GCFC2: variants seen among roughly 807,000 people sequenced by gnomAD.
GCFC2 encodes the protein GC-rich sequence DNA-binding factor 2, also known as intron Large complex component GCFC2.
A neutral mutation model predicts 99.4 loss-of-function variants in GCFC2; 102 were observed. The ratio of observed to expected loss-of-function variants is 1.03; its 90% CI spans 0.87 to 1.21. GCFC2 has a LOEUF of 1.21. GCFC2 is among the 50% of genes most tolerant of loss of function. GCFC2 has a pLI of 0.00. For missense variants in GCFC2, 973 were observed against 920.9 expected, an observed-to-expected ratio of 1.06 and a Z score of -0.73; for synonymous variants, 338 against 316.8, an observed-to-expected ratio of 1.07 and a Z score of -0.71.
intron 4 of GCFC2, among the ~76,000 whole-genome samples, chr2:75,700,286 T>G (rs1320557448): frequency 6.6e-6 from 1 of 152,152 alleles, no homozygotes; most frequent in Admixed American, 6.5e-5. Context: ...AACTATTATT[T>G]GTGTATGCAG....
Position 75,710,506 on chromosome 2 carries a change from A to AC in GCFC2, c.265+84dup, listed in dbSNP as rs1254018468. 4.3e-6 allele frequency: 6 copies of AC among 1,400,844 alleles called. No individual in the cohort carries two copies. The East Asian group carries it at 1.8e-4, about 41-fold the overall frequency. 86.8% of individuals were successfully genotyped at this position (1,400,844 alleles called of 1,614,324 possible). On this transcript the variant is annotated intron_variant, in intron 1 of 16. Coordinates refer to ENST00000321027, the MANE Select transcript of GCFC2 (RefSeq NM_003203.5). The stretch of plus-strand genomic sequence containing the variant: ...CTTGTGGTCGGCAGCAAGTTATAGA[A>AC]CCCCCAGAGAAGGATCCAGAGACCC...
chr2:75,665,165 T>A (rs1403115857), intron 16 of GCFC2, among the ~76,000 whole-genome samples: 1 of 151,604 alleles, frequency 6.6e-6, no homozygotes, highest in Non-Finnish European at 1.5e-5. Flanking sequence ...TTTTTTTTTT[T>A]AAAGGGACTT....
At chr2:75,706,303 T>G (rs926338492) in intron 2 of GCFC2, among the ~76,000 whole-genome samples, 1 of 152,208 alleles carries the variant, frequency 6.6e-6, no homozygotes, top group African/African-American at 2.4e-5. Context: ...GAATACAGGC[T>G]CCAGAACAAA....
At chr2:75,671,293 A>G (rs921221053) in intron 14 of GCFC2, among the ~76,000 whole-genome samples, 4 of 152,146 alleles carry the variant, frequency 2.6e-5, no homozygotes, top group African/African-American at 9.6e-5. Context: ...GCAGCTTGCC[A>G]TTCATGACCA....
chr2:75,688,354 G>A (rs1679911729), intron 10 of GCFC2, among the ~76,000 whole-genome samples: 2 of 152,162 alleles, frequency 1.3e-5, no homozygotes, highest in South Asian at 4.1e-4. Flanking sequence ...TCCACTTCAA[G>A]CAAAGTTTAT....
At chr2:75,683,182 G>A (rs1679652946) in intron 11 of GCFC2, among the ~76,000 whole-genome samples, 1 of 151,696 alleles carries the variant, frequency 6.6e-6, no homozygotes, top group South Asian at 2.1e-4. Flanking sequence ...AAAAGTTAAG[G>A]GCAGCCAGAA....
At chr2:75,709,174 T>C (rs1681002429) in intron 1 of GCFC2, among the ~76,000 whole-genome samples, 1 of 152,188 alleles carries the variant, frequency 6.6e-6, no homozygotes, top group Non-Finnish European at 1.5e-5. Flanking sequence ...GTGTGATAAA[T>C]ATTGATAGGT....
chr2:75,681,695 C>G (rs1008372471), intron 11 of GCFC2, among the ~76,000 whole-genome samples: 1 of 151,916 alleles, frequency 6.6e-6, no homozygotes, highest in Non-Finnish European at 1.5e-5. Flanking sequence ...GATCCACTGA[C>G]TTGAAATTCT....
At chr2:75,692,353 T>C (rs17741590) in intron 6 of GCFC2, among the ~76,000 whole-genome samples, 1,318 of 127,902 alleles carry the variant, frequency 0.01, 11 homozygotes, top group South Asian at 0.032. Flanking sequence ...TTATCAGAGA[T>C]AGATAAACTA....
In GCFC2 at chr2:75,696,262, A is replaced by G. The variant is rs1343262587; in HGVS notation, c.771T>C (p.Phe257=). 6.6e-6 allele frequency: 10 copies of G among 1,520,920 alleles called. No individual in the cohort carries two copies. The highest frequency in any genetic ancestry group is 8.2e-6 in the Non-Finnish European group (9 of 1,096,414). 94.2% of individuals were successfully genotyped at this position (1,520,920 alleles called of 1,614,324 possible). ...CGNGSSKVKK[F]DTSISFPPVN... ...CTGGCGGAAATGAAATGGAAGTATC[A>G]AATTTCTTCACTTTTGAAGATCCAT... is the stretch of plus-strand genomic sequence containing the variant. The change falls in exon 5 of 17, where the codon TTT becomes TTC. Residue 257 remains phenylalanine (F), a synonymous_variant. Transcript: ENST00000321027.
chr2:75,689,701 AGAAAT>A (rs1679974525), intron 9 of GCFC2, among the ~76,000 whole-genome samples: 4 of 152,208 alleles, frequency 2.6e-5, no homozygotes, highest in South Asian at 4.1e-4. Context: ...TGTGTGGTAA[AGAAAT>A]GAAATGAAGA....
chr2:75,680,208 A>G lies in GCFC2; in HGVS notation c.1797T>C (p.Val599=), dbSNP rs778703905. 4 of 1,604,452 alleles carry G rather than the reference A, an allele frequency of 2.5e-6. No individual in the cohort carries two copies. In the Admixed American group the frequency reaches 5.0e-5, roughly 20 times the overall value. ...LEEHSTCENE[V]SKSRQDLLKS... is the part of the protein sequence containing the mutation. ...AAATTATTACCTGTCTGCTTTTACTAACTTCATTTTCACAAGTGGAATGTT... is the reference window on the plus strand; with the variant it reads ...AAATTATTACCTGTCTGCTTTTACTGACTTCATTTTCACAAGTGGAATGTT... The change falls in exon 12 of 17, where the codon GTT becomes GTC. Residue 599 remains valine (V), a synonymous_variant. Coordinates refer to ENST00000321027, the MANE Select transcript of GCFC2 (RefSeq NM_003203.5).
intron 9 of GCFC2, among the ~76,000 whole-genome samples, 178 bp from the exon 10 acceptor site, chr2:75,689,403 T>C (rs1449650918): frequency 6.6e-6 from 1 of 152,116 alleles, no homozygotes; most frequent in African/African-American, 2.4e-5. Context: ...CTAATAGAAG[T>C]TACCATATAT....
At position 75,680,047 on chromosome 2, in the gene GCFC2, T is replaced by C. The variant is rs368876921; in HGVS notation, c.1812+146A>G. 25 of 602,406 alleles carry C rather than the reference T, an allele frequency of 4.2e-5. 1 individual carries two copies. Among genetic ancestry groups the C allele is most frequent in the African/African-American group, 3.9e-4 (21 of 53,338 alleles). The allele number at this position is 602,406 out of a possible 1,614,324, so 37.3% of individuals were successfully genotyped here. A position where few individuals can be genotyped will look rare whatever the true frequency, so the allele number is the denominator to read the frequency against. On this transcript the variant is annotated intron_variant, in intron 12 of 16. Transcript: ENST00000321027. Reference sequence around the variant, plus strand: ...TCTCAGTGCAGTCTGAGAAAAAGTCTAGTTTCTATAAATCAAAAGTAAATA... The same window carrying C: ...TCTCAGTGCAGTCTGAGAAAAAGTCCAGTTTCTATAAATCAAAAGTAAATA...
At chr2:75,693,192 A>G (rs750851937) in intron 6 of GCFC2, among the ~76,000 whole-genome samples, 2 of 152,168 alleles carry the variant, frequency 1.3e-5, no homozygotes, top group African/African-American at 2.4e-5. Context: ...TAACCCTAGC[A>G]CTTTGGGAGG....
At chr2:75,699,682 C>T (rs1680489645) in intron 4 of GCFC2, among the ~76,000 whole-genome samples, 2 of 151,994 alleles carry the variant, frequency 1.3e-5, no homozygotes, top group Non-Finnish European at 2.9e-5. Context: ...CTCAAGTGAT[C>T]CTCCCAGCTC....
chr2:75,713,091 T>C (rs1488893003), upstream of GCFC2, among the ~76,000 whole-genome samples: 2 of 152,202 alleles, frequency 1.3e-5, no homozygotes, highest in Non-Finnish European at 2.9e-5. Context: ...TCTTTTTTTC[T>C]TGGCTTTTCT....
intron 11 of GCFC2, among the ~76,000 whole-genome samples, chr2:75,682,128 G>A (rs1198811886): frequency 6.6e-6 from 1 of 151,890 alleles, no homozygotes; most frequent in East Asian, 1.9e-4. Flanking sequence ...GTGGGTCCCT[G>A]ACCCCTGTGT....
chr2:75,699,350 T>C (rs766236850), intron 4 of GCFC2, among the ~76,000 whole-genome samples: 1 of 152,258 alleles, frequency 6.6e-6, no homozygotes, highest in Non-Finnish European at 1.5e-5. Flanking sequence ...TTGGTACTTC[T>C]TTTGGCTTAC....
Sources: gnomAD v4.1 joint callset for allele counts (sites outside exome capture counted in the v4.1 genomes callset) on GRCh38, gnomAD v4.1.1 for gene constraint, MANE v1.5 for transcripts, NCBI Gene and HGNC (gene_info 2026-07-23, HGNC 2026-07-21) for gene names.